VRK1: variants seen among roughly 807,000 people sequenced by gnomAD.
VRK1 encodes serine/threonine-protein kinase VRK1.
A neutral mutation model predicts 57.1 loss-of-function variants in VRK1; 33 were observed. That is an observed-to-expected ratio of 0.58 (90% confidence interval 0.44 to 0.77). VRK1 has a LOEUF of 0.77. Among genes scored for constraint, VRK1 ranks in the 30% least tolerant of loss-of-function variants. The pLI is 0.00. For missense variants in VRK1, 413 were observed against 477.3 expected, an observed-to-expected ratio of 0.87 and a Z score of 1.25; for synonymous variants, 137 against 147.8, an observed-to-expected ratio of 0.93 and a Z score of 0.53.
At chr14:96,818,100 G>A (rs185602509) in intron 1 of VRK1, among the ~76,000 whole-genome samples, 91 of 152,302 alleles carry the variant, frequency 6.0e-4, no homozygotes, top group African/African-American at 2.0e-3. Flanking sequence ...AGTCAGAAAC[G>A]GAAATACAGT....
chr14:96,878,937 C>G (rs888895810), intron 12 of VRK1, among the ~76,000 whole-genome samples: 10 of 152,056 alleles, frequency 6.6e-5, no homozygotes, highest in Non-Finnish European at 1.3e-4. Context: ...TACTTTCCCC[C>G]CTCCTGTTCA....
intron 1 of VRK1, among the ~76,000 whole-genome samples, chr14:96,831,052 G>A (rs368929236): frequency 2.0e-5 from 3 of 152,304 alleles, no homozygotes; most frequent in African/African-American, 4.8e-5. Context: ...GGCTGTGGGA[G>A]TGGCAGAGCC....
At chr14:96,839,302 G>A (rs902470971) in intron 3 of VRK1, among the ~76,000 whole-genome samples, 21 of 151,988 alleles carry the variant, frequency 1.4e-4, no homozygotes, top group East Asian at 9.6e-4. Context: ...TGAATAAAGC[G>A]TCTATAAACA....
intron 11 of VRK1, among the ~76,000 whole-genome samples, chr14:96,870,233 G>T (rs1244291974): frequency 2.0e-5 from 3 of 152,152 alleles, no homozygotes; most frequent in Non-Finnish European, 4.4e-5. Context: ...AAACTCAGAA[G>T]AGGCCAGGTG....
At position 96,876,137 on chromosome 14, in the gene VRK1, T is replaced by G. The variant is rs1404718319; in HGVS notation, c.1159+17T>G. The stretch of plus-strand genomic sequence containing the variant: ...TACAGACCCGTAAGTTGAACAGTTT[T>G]GCCTAGCTGCTTTCATAGGTAAACA... On this transcript the variant is annotated intron_variant, in intron 12 of 12. Coordinates refer to ENST00000216639, the MANE Select transcript of VRK1 (RefSeq NM_003384.3). 1 of 1,612,866 alleles carries G rather than the reference T, an allele frequency of 6.2e-7. No individual in the cohort carries two copies. The highest frequency in any genetic ancestry group is 8.5e-7 in the Non-Finnish European group (1 of 1,179,044).
chr14:96,866,295 T>C (rs1888582517), intron 11 of VRK1, among the ~76,000 whole-genome samples: 2 of 151,970 alleles, frequency 1.3e-5, no homozygotes, highest in South Asian at 2.1e-4. Flanking sequence ...TATTTGGGGG[T>C]GGATCTGATG....
At position 96,811,773 on chromosome 14, in the gene VRK1, CT is replaced by C. The variant is rs11407124; in HGVS notation, c.-6+14337del. ...CTATCACATTTTCCCTCTCATTAAC[CT>C]TTTTTTTTTTAAAGCAAACAGCTTT... On this transcript the variant is annotated intron_variant, in intron 1 of 12. Transcript: ENST00000216639. Among the ~76,000 whole-genome samples the C allele has an allele frequency of 8.3e-3, 1,234 of 148,296 alleles. 20 individuals are homozygous for C. Among genetic ancestry groups the C allele is most frequent in the African/African-American group, 0.027 (1,097 of 40,584 alleles).
intron 11 of VRK1, among the ~76,000 whole-genome samples, chr14:96,863,300 A>T (rs189557716): frequency 5.3e-5 from 8 of 152,306 alleles, no homozygotes; most frequent in African/African-American, 1.9e-4. Flanking sequence ...CAGTTATTGG[A>T]TTCAGTGTAT....
chr14:96,828,107 C>CT (rs1172905022), intron 1 of VRK1, among the ~76,000 whole-genome samples: 2 of 152,156 alleles, frequency 1.3e-5, no homozygotes, highest in Non-Finnish European at 2.9e-5. Context: ...GCTGCTTTTT[C>CT]TTAACACAGT....
At chr14:96,862,126 C>G (rs1436422947) in intron 11 of VRK1, among the ~76,000 whole-genome samples, 1 of 152,016 alleles carries the variant, frequency 6.6e-6, no homozygotes, top group East Asian at 1.9e-4. Context: ...TTGCAAATCC[C>G]TTTGTTGTTT....
intron 11 of VRK1, among the ~76,000 whole-genome samples, chr14:96,862,221 C>T (rs1018004975): frequency 2.6e-5 from 4 of 152,156 alleles, no homozygotes; most frequent in Admixed American, 6.6e-5. Flanking sequence ...GAGCTAACAT[C>T]TGTGACCTTA....
At chr14:96,804,424 T>G (rs1301868701) in intron 1 of VRK1, among the ~76,000 whole-genome samples, 1 of 152,000 alleles carries the variant, frequency 6.6e-6, no homozygotes, top group Non-Finnish European at 1.5e-5. Context: ...ATGGCTGGAG[T>G]CTGGAAAAAG....
intron 11 of VRK1, among the ~76,000 whole-genome samples, chr14:96,875,631 T>C (rs1051801242): frequency 2.6e-5 from 4 of 152,174 alleles, no homozygotes; most frequent in South Asian, 2.1e-4. Context: ...ACCCCACCCA[T>C]GTTGTACAAT....
At chr14:96,863,150 G>A (rs970720937) in intron 11 of VRK1, among the ~76,000 whole-genome samples, 9 of 152,176 alleles carry the variant, frequency 5.9e-5, no homozygotes, top group African/African-American at 2.2e-4. Context: ...TTAAAGCATA[G>A]AATTTTGGGA....
chr14:96,880,093 GA>G (rs948845701), intron 12 of VRK1, among the ~76,000 whole-genome samples: 1 of 152,006 alleles, frequency 6.6e-6, no homozygotes, highest in African/African-American at 2.4e-5. Flanking sequence ...ATGAGTGGCA[GA>G]AAAAAGGATA....
At chr14:96,871,962 C>T (rs1055628766) in intron 11 of VRK1, among the ~76,000 whole-genome samples, 20 of 152,128 alleles carry the variant, frequency 1.3e-4, no homozygotes, top group Non-Finnish European at 2.9e-4. Context: ...TGTGCCACCA[C>T]ACCTGGCTAA....
At chr14:96,863,377 T>C (rs1888462932) in intron 11 of VRK1, among the ~76,000 whole-genome samples, 1 of 152,228 alleles carries the variant, frequency 6.6e-6, no homozygotes, top group Non-Finnish European at 1.5e-5. Context: ...AGGCTAGGTC[T>C]CTAGGGCTAC....
At chr14:96,824,693 G>A (rs113476476) in intron 1 of VRK1, among the ~76,000 whole-genome samples, 6,544 of 142,772 alleles carry the variant, frequency 0.046, 178 homozygotes, top group Non-Finnish European at 0.064. Context: ...TCCCTCTGTC[G>A]CCCAGCCTGG....
chr14:96,841,019 C>T (rs892989982), intron 3 of VRK1, among the ~76,000 whole-genome samples: 1 of 151,980 alleles, frequency 6.6e-6, no homozygotes, highest in African/African-American at 2.4e-5. Flanking sequence ...CCATGCCCGG[C>T]TAATTTTTTT....
Sources: gnomAD v4.1 joint callset for allele counts (sites outside exome capture counted in the v4.1 genomes callset) on GRCh38, gnomAD v4.1.1 for gene constraint, MANE v1.5 for transcripts, NCBI Gene and HGNC (gene_info 2026-07-23, HGNC 2026-07-21) for gene names.